The following HAUS4 variants were observed in gnomAD, a reference collection of about 807,000 sequenced individuals.
HAUS4 encodes HAUS augmin like complex subunit 4, also known as HAUS augmin-like complex subunit 4.
A neutral mutation model predicts 50.6 loss-of-function variants in HAUS4; 34 were observed. The observed-to-expected ratio is 0.67, with a 90% confidence interval of 0.51 to 0.90. The LOEUF (loss-of-function observed/expected upper bound fraction) is 0.90, where lower values mean the gene tolerates loss of function less well. HAUS4 is among the 40% of genes least tolerant of loss of function. The pLI is 0.00. For synonymous variants in HAUS4, 149 were observed against 161.4 expected, an observed-to-expected ratio of 0.92 and a Z score of 0.58; for missense variants, 370 against 428.7, an observed-to-expected ratio of 0.86 and a Z score of 1.21.
Position 22,947,985 on chromosome 14 carries a change from T to G in HAUS4, c.591A>C (p.Ala197=), listed in dbSNP as rs760193134. 3.1e-6 allele frequency: 5 copies of G among 1,613,204 alleles called. No homozygotes were observed. The highest frequency in any genetic ancestry group is 3.3e-5 in the Admixed American group (2 of 59,740). The change falls in exon 7 of 10, where the codon GCA becomes GCC. Residue 197 remains alanine, a synonymous_variant. Coordinates refer to ENST00000541587, the MANE Select transcript of HAUS4 (RefSeq NM_001166269.2). ...SDADSETVKA[A]KVWKLAEVLV... ...GGACCTCTGCGAGTTTCCACACCTT[T>G]GCTGCCTTCACGGTTTCACTGTCAG...
At chr14:22,949,356 C>T (rs2044707443) in intron 6 of HAUS4, among the ~76,000 whole-genome samples, 1 of 151,290 alleles carries the variant, frequency 6.6e-6, no homozygotes, top group African/African-American at 2.4e-5. Context: ...GGTGAAACCC[C>T]GTCTCTACTA....
In HAUS4 at chr14:22,955,141, TC is replaced by T; in HGVS notation, c.13del (p.Asp5IlefsTer25). MASG[D>X]FCSPGEGMEI... ...CATCCCTTCTCCAGGTGAGCAGAAA[TC>T]CCCGGATGCCATTTGATTTTCTTGG... On this transcript the variant is annotated frameshift_variant, in exon 2 of 10. Transcript: ENST00000541587. LOFTEE classifies it high-confidence loss of function. 1 of 1,611,740 alleles carries T rather than the reference TC, an allele frequency of 6.2e-7. No individual in the cohort carries two copies. The highest frequency in any genetic ancestry group is 8.5e-7 in the Non-Finnish European group (1 of 1,177,890).
chr14:22,955,083 C>T lies in HAUS4; in HGVS notation c.55+17G>A. ...TCTGGATAAATCATCAAACCTTTTG[C>T]AAGTGGCTACTCTTACCTTGTTGAA... On this transcript the variant is annotated intron_variant, in intron 2 of 9. Transcript: ENST00000541587. 1 of 1,578,220 alleles carries T rather than the reference C, an allele frequency of 6.3e-7. No homozygotes were observed. Among genetic ancestry groups the T allele is most frequent in the Middle Eastern group, 1.7e-4 (1 of 5,998 alleles).
At chr14:22,950,173 C>A in intron 6 of HAUS4, 141 bp downstream of exon 6, 13 of 390,476 alleles carry the variant, frequency 3.3e-5, no homozygotes, top group East Asian at 3.8e-5. Flanking sequence ...TGTTTTTATT[C>A]TACCAGCAAC....
At chr14:22,955,204 A>C in intron 1 of HAUS4, 28 bp from the exon 2 acceptor site, 6 of 1,324,808 alleles carry the variant, frequency 4.5e-6, no homozygotes, top group Non-Finnish European at 5.5e-6. Context: ...GAAAGAAAAC[A>C]AAAAGATGAA....
chr14:22,950,560 G>A (rs2044734759), intron 5 of HAUS4, 150 bp from the exon 6 acceptor site: 2 of 575,854 alleles, frequency 3.5e-6, no homozygotes, highest in East Asian at 2.8e-5. Flanking sequence ...TATCAAATTA[G>A]CGAAGAATAA....
At chr14:22,956,052 A>T (rs1454489965) in intron 1 of HAUS4, among the ~76,000 whole-genome samples, 1 of 152,190 alleles carries the variant, frequency 6.6e-6, no homozygotes. Context: ...AAAGCTGAAC[A>T]GGCATTGAAG....
At chr14:22,948,464 GA>G (rs2044687280) in intron 6 of HAUS4, among the ~76,000 whole-genome samples, 1 of 122,626 alleles carries the variant, frequency 8.2e-6, no homozygotes, top group African/African-American at 2.8e-5. Flanking sequence ...CGGGGGGGGG[GA>G]GGGCATCTGG....
chr14:22,947,702 C>A lies in HAUS4; in HGVS notation c.738G>T (p.Gln246His). ...QVLLRCLTLL[Q>H]RLLQEHRLKT... ...TCAGCCGGTGTTCTTGAAGAAGCCT[C>A]TGCAGCAAAGTGAGGCAGCGGAGAA... Residue 246 changes from glutamine (Q) to histidine (H), a missense_variant, in exon 8 of 10, where the codon CAG (glutamine) becomes CAT (histidine). Coordinates refer to ENST00000541587, the MANE Select transcript of HAUS4 (RefSeq NM_001166269.2). The A allele has an allele frequency of 6.2e-7, 1 of 1,614,110 alleles. No individual in the cohort carries two copies. Among genetic ancestry groups the A allele is most frequent in the Non-Finnish European group, 8.5e-7 (1 of 1,180,022 alleles).
At position 22,948,032 on chromosome 14, in the gene HAUS4, G is replaced by A. The variant is rs1042332922; in HGVS notation, c.563-19C>T. 1 of 1,589,132 alleles carries A rather than the reference G, an allele frequency of 6.3e-7. No homozygotes were observed. The highest frequency in any genetic ancestry group is 1.3e-5 in the African/African-American group (1 of 74,250). On this transcript the variant is annotated intron_variant, in intron 6 of 9. Transcript: ENST00000541587. ...TCAGCATCTGAGCAAAGGGGCAGAGGACTGACAGGAAAACCCTAATCGCTA... is the reference window on the plus strand; with the variant it reads ...TCAGCATCTGAGCAAAGGGGCAGAGAACTGACAGGAAAACCCTAATCGCTA...
rs780714693 is a variant in HAUS4, at chr14:22,952,340, A to C, written c.318T>G (p.Ser106=). ...YVKIQDTNVT[S]EDKKFHETLE... ...GCCTTTGCCTCACCTTTTTGTCCTC[A>C]GAAGTTACATTTGTGTCTTGTATCT... Residue 106 remains serine, a synonymous_variant, in exon 4 of 10, where the codon TCT becomes TCG. Coordinates refer to ENST00000541587, the MANE Select transcript of HAUS4 (RefSeq NM_001166269.2). The C allele has an allele frequency of 3.7e-6, 6 of 1,613,896 alleles. No individual in the cohort carries two copies. The highest frequency in any genetic ancestry group is 5.1e-6 in the Non-Finnish European group (6 of 1,179,898).
At chr14:22,948,143 T>C (rs1475270598) in intron 6 of HAUS4, 130 bp from the exon 7 acceptor site, 5 of 981,964 alleles carry the variant, frequency 5.1e-6, no homozygotes, top group Non-Finnish European at 7.3e-6. Flanking sequence ...CTTCTAATAA[T>C]CTATTAAAAA....
At chr14:22,946,863 A>G (rs1467602102) in intron 9 of HAUS4, among the ~76,000 whole-genome samples, 155 bp from the exon 10 acceptor site, 1 of 149,134 alleles carries the variant, frequency 6.7e-6, no homozygotes, top group East Asian at 2.0e-4. Flanking sequence ...GGCTCACTGC[A>G]GCCTCTGCTT....
intron 6 of HAUS4, 33 bp downstream of exon 6, chr14:22,950,281 C>T: frequency 8.3e-7 from 1 of 1,201,416 alleles, no homozygotes; most frequent in Non-Finnish European, 1.2e-6. Context: ...CCCTGAAGTC[C>T]AGCTGTGAGC....
At chr14:22,949,572 T>C (rs902349989) in intron 6 of HAUS4, among the ~76,000 whole-genome samples, 88 of 146,878 alleles carry the variant, frequency 6.0e-4, no homozygotes, top group African/African-American at 2.1e-3. Flanking sequence ...TCATTCAGGG[T>C]GGTCAGACTC....
Position 22,949,524 on chromosome 14 carries a change from G to A in HAUS4, c.562+790C>T, listed in dbSNP as rs574105266. Among the ~76,000 whole-genome samples the A allele has an allele frequency of 5.0e-3, 353 of 70,462 alleles. 1 individual carries two copies. The highest frequency in any genetic ancestry group is 0.018 in the African/African-American group (319 of 18,160). 46.2% of individuals were successfully genotyped at this position (70,462 alleles called of 152,430 possible). A position where few individuals can be genotyped will look rare whatever the true frequency, so the allele number is the denominator to read the frequency against. ...AGCCTGGGGGACAGAGCGAGACTTCGTCTCAAAAAAAAAAAAAAAAAAAAA... is the reference window on the plus strand; with the variant it reads ...AGCCTGGGGGACAGAGCGAGACTTCATCTCAAAAAAAAAAAAAAAAAAAAA... On this transcript the variant is annotated intron_variant, in intron 6 of 9. Coordinates refer to ENST00000541587, the MANE Select transcript of HAUS4 (RefSeq NM_001166269.2).
chr14:22,949,154 T>C (rs1340564940), intron 6 of HAUS4, among the ~76,000 whole-genome samples: 2 of 71,982 alleles, frequency 2.8e-5, no homozygotes, highest in South Asian at 1.1e-3. Flanking sequence ...TGAAACTCCG[T>C]CTCAAAAAAA....
chr14:22,947,956 A>G lies in HAUS4; in HGVS notation c.620T>C (p.Val207Ala). ...ATCCTGGCACTGCTGCTGCTCACCCACCAGGACCTCTGCGAGTTTCCACAC... is the reference window on the plus strand; with the variant it reads ...ATCCTGGCACTGCTGCTGCTCACCCGCCAGGACCTCTGCGAGTTTCCACAC... ...AKVWKLAEVL[V>A]GEQQQCQDAK... The change falls in exon 7 of 10, where the codon GTG becomes GCG. Residue 207 changes from valine (V) to alanine (A), a missense_variant. By Grantham distance (64) the Val-to-Ala change is moderately conservative. Coordinates refer to ENST00000541587, the MANE Select transcript of HAUS4 (RefSeq NM_001166269.2). 6.2e-7 allele frequency: 1 copy of G among 1,614,018 alleles called. No homozygotes were observed. Among genetic ancestry groups the G allele is most frequent in the Non-Finnish European group, 8.5e-7 (1 of 1,179,976 alleles).
intron 6 of HAUS4, chr14:22,948,318 T>G: frequency 3.9e-6 from 1 of 253,470 alleles, no homozygotes; most frequent in Non-Finnish European, 7.6e-6. Flanking sequence ...TTAGGCATAC[T>G]ATGCGCCTGT....
Sources: gnomAD v4.1 joint callset for allele counts (sites outside exome capture counted in the v4.1 genomes callset) on GRCh38, gnomAD v4.1.1 for gene constraint, MANE v1.5 for transcripts, NCBI Gene and HGNC (gene_info 2026-07-23, HGNC 2026-07-21) for gene names.